The following CEP290 variants were observed in gnomAD, a reference collection of about 807,000 sequenced individuals.
CEP290 encodes centrosomal protein 290, also known as centrosomal protein of 290 kDa.
A neutral mutation model predicts 344.9 loss-of-function variants in CEP290; 317 were observed. The observed-to-expected ratio is 0.92, with a 90% CI of 0.84 to 1.01. CEP290 has a LOEUF of 1.01. Ranked by LOEUF, CEP290 falls within the 50% of genes least tolerant of loss-of-function variation. The pLI is 0.00. For missense variants in CEP290, 2,754 were observed against 2,761.4 expected (o/e 1.00, Z 0.06); for synonymous variants, 932 against 895.8 (o/e 1.04, Z -0.72).
At chr12:88,131,717 A>G (rs138118830) in intron 6 of CEP290, among the ~76,000 whole-genome samples, 2 of 152,326 alleles carry the variant, frequency 1.3e-5, no homozygotes, top group African/African-American at 4.8e-5. Flanking sequence ...TAAGGATTTA[A>G]GGATTAAACA....
intron 50 of CEP290, among the ~76,000 whole-genome samples, chr12:88,055,077 C>A (rs1461797280): frequency 6.6e-6 from 1 of 152,064 alleles, no homozygotes; most frequent in East Asian, 1.9e-4. Flanking sequence ...ATGAAAAGAA[C>A]TTTTAAGTTT....
chr12:88,131,093 A>T (rs550222676), intron 7 of CEP290, 72 bp downstream of exon 7: 1 of 1,199,862 alleles, frequency 8.3e-7, no homozygotes, highest in Non-Finnish European at 1.1e-6. Context: ...TAAAATATAA[A>T]TTTATGTAAA....
At position 88,130,437 on chromosome 12, in the gene CEP290, A is replaced by G. The variant is rs760912729; in HGVS notation, c.517-17T>C. 3.7e-6 allele frequency: 6 copies of G among 1,601,360 alleles called. No individual in the cohort carries two copies. In the Admixed American group the frequency reaches 7.0e-5, roughly 19 times the overall value. On this transcript the variant is annotated splice_polypyrimidine_tract_variant and intron_variant, in intron 8 of 53. Transcript: ENST00000552810. ...TTGTTCATTCTGAAGGTAACCAAAC[A>G]CAACATTCAATTACAAAACTATTCA...
chr12:88,111,608 A>T (rs1312458080), intron 21 of CEP290, 86 bp downstream of exon 21: 4 of 1,155,324 alleles, frequency 3.5e-6, no homozygotes, highest in Non-Finnish European at 3.6e-6. Context: ...TTTTCTCATA[A>T]AGCATTCTTT....
At chr12:88,141,164 TAA>T in intron 2 of CEP290, 40 bp downstream of exon 2, 1 of 1,319,006 alleles carries the variant, frequency 7.6e-7, no homozygotes, top group Non-Finnish European at 1.0e-6. Flanking sequence ...AAATTAATCA[TAA>T]GTTAATGTAT....
Position 88,070,669 on chromosome 12 carries a change from T to C in CEP290, c.6011+625A>G, listed in dbSNP as rs114298187. Among the ~76,000 whole-genome samples the C allele has an allele frequency of 5.4e-3, 828 of 152,194 alleles. 14 individuals carry two copies. The highest frequency in any genetic ancestry group is 0.019 in the African/African-American group (776 of 41,520). On this transcript the variant is annotated intron_variant, in intron 43 of 53. Coordinates refer to ENST00000552810, the MANE Select transcript of CEP290 (RefSeq NM_025114.4). ...CTTCCTCTTTCTACTCTCCTCTTGC[T>C]TGCTTGGCTGCAGAAGTGTGCAATT...
At chr12:88,110,042 AT>A (rs1288334507) in intron 22 of CEP290, among the ~76,000 whole-genome samples, 2 of 152,140 alleles carry the variant, frequency 1.3e-5, no homozygotes, top group African/African-American at 4.8e-5. Flanking sequence ...AAATCCCAAT[AT>A]TGAGAAAAAG....
intron 26 of CEP290, among the ~76,000 whole-genome samples, chr12:88,098,717 C>G (rs1321694877): frequency 4.6e-5 from 7 of 152,028 alleles, no homozygotes; most frequent in Admixed American, 6.6e-5. Flanking sequence ...TCTTAACCAC[C>G]AAATAATTGA....
At chr12:88,133,169 G>A (rs955949991) in intron 6 of CEP290, among the ~76,000 whole-genome samples, 2 of 149,402 alleles carry the variant, frequency 1.3e-5, no homozygotes, top group African/African-American at 4.9e-5. Context: ...TCTGCCTTCT[G>A]GGTTCAAGTC....
intron 43 of CEP290, among the ~76,000 whole-genome samples, chr12:88,069,212 T>A (rs929697504): frequency 6.6e-6 from 1 of 152,146 alleles, no homozygotes; most frequent in African/African-American, 2.4e-5. Context: ...CATGAAACAT[T>A]TACTCTTGCC....
Position 88,049,125 on chromosome 12 carries a change from G to T in CEP290, c.*59C>A. Reference sequence around the variant, plus strand: ...AGTTCGGAGAACTGCTTATTTCCAAGTATATTTAACTTATAAAGTTAATAA... The same window carrying T: ...AGTTCGGAGAACTGCTTATTTCCAATTATATTTAACTTATAAAGTTAATAA... On this transcript the variant is annotated 3_prime_UTR_variant, in exon 54 of 54. Coordinates refer to ENST00000552810, the MANE Select transcript of CEP290 (RefSeq NM_025114.4). The T allele has an allele frequency of 2.0e-6, 2 of 989,108 alleles. No individual in the cohort carries two copies. The highest frequency in any genetic ancestry group is 3.0e-6 in the Non-Finnish European group (2 of 660,602). The allele number at this position is 989,108 out of a possible 1,614,324, so 61.3% of individuals were successfully genotyped here. A position where few individuals can be genotyped will look rare whatever the true frequency, so the allele number is the denominator to read the frequency against.
intron 11 of CEP290, 116 bp downstream of exon 11, chr12:88,128,830 A>T: frequency 1.7e-6 from 1 of 573,176 alleles, no homozygotes; most frequent in Non-Finnish European, 2.8e-6. Context: ...ACTTATGTTT[A>T]AAAACCCTAA....
intron 11 of CEP290, among the ~76,000 whole-genome samples, 176 bp downstream of exon 11, chr12:88,128,770 G>A (rs2039884580): frequency 6.6e-6 from 1 of 151,898 alleles, no homozygotes; most frequent in African/African-American, 2.4e-5. Context: ...AAATTAGCTA[G>A]AGATCAAAAA....
chr12:88,054,511 G>T, intron 50 of CEP290, 98 bp from the exon 51 acceptor site: 1 of 999,142 alleles, frequency 1.0e-6, no homozygotes, highest in South Asian at 1.5e-5. Context: ...ATTAAAATAT[G>T]GTTTTCAAAA....
At chr12:88,088,080 A>C in intron 31 of CEP290, 136 bp from the exon 32 acceptor site, 1 of 390,436 alleles carries the variant, frequency 2.6e-6, no homozygotes, top group Non-Finnish European at 4.6e-6. Flanking sequence ...CTTTTGTCAA[A>C]CTACATGACA....
chr12:88,054,103 A>G (rs539362938), intron 51 of CEP290, among the ~76,000 whole-genome samples: 3 of 152,286 alleles, frequency 2.0e-5, no homozygotes, highest in South Asian at 4.1e-4. Context: ...TGCTCTTAGA[A>G]AAGTTTAAAC....
chr12:88,093,416 A>G (rs937364299), intron 28 of CEP290, among the ~76,000 whole-genome samples: 9 of 152,080 alleles, frequency 5.9e-5, no homozygotes, highest in Admixed American at 5.9e-4. Context: ...ATTATTGTCT[A>G]TTTTGTTTCT....
At chr12:88,138,153 G>C (rs940585382) in intron 5 of CEP290, among the ~76,000 whole-genome samples, 1 of 151,994 alleles carries the variant, frequency 6.6e-6, no homozygotes. Context: ...CGACCTCACA[G>C]GACACTCTAA....
chr12:88,060,724 A>T, intron 47 of CEP290, 106 bp downstream of exon 47: 1 of 789,842 alleles, frequency 1.3e-6, no homozygotes, highest in Non-Finnish European at 1.9e-6. Context: ...TATGTATTGT[A>T]TTCATTAAAG....
Sources: gnomAD v4.1 joint callset for allele counts (sites outside exome capture counted in the v4.1 genomes callset) on GRCh38, gnomAD v4.1.1 for gene constraint, MANE v1.5 for transcripts, NCBI Gene and HGNC (gene_info 2026-07-23, HGNC 2026-07-21) for gene names.